YWHAQ: variants seen among roughly 807,000 people sequenced by gnomAD.
YWHAQ encodes the protein tyrosine 3-monooxygenase/tryptophan 5-monooxygenase activation protein theta.
A neutral mutation model predicts 28.3 loss-of-function variants in YWHAQ; 6 were observed. The observed-to-expected ratio is 0.21, with a 90% CI of 0.12 to 0.42. The LOEUF (loss-of-function observed/expected upper bound fraction) is 0.42. YWHAQ is among the 10% of genes least tolerant of loss of function. The pLI is 1.00. For synonymous variants in YWHAQ, 143 were observed against 119.1 expected (o/e 1.20, Z -1.31); for missense variants, 201 against 305.6 (o/e 0.66, Z 2.55).
At chr2:9,603,961 T>G (rs1395581749) in intron 2 of YWHAQ, among the ~76,000 whole-genome samples, 1 of 152,040 alleles carries the variant, frequency 6.6e-6, no homozygotes, top group African/African-American at 2.4e-5. Context: ...ACTTTGTCTT[T>G]AAATGTAAAG....
chr2:9,599,648 T>C (rs1274307118), intron 2 of YWHAQ, among the ~76,000 whole-genome samples: 1 of 152,214 alleles, frequency 6.6e-6, no homozygotes, highest in Non-Finnish European at 1.5e-5. Flanking sequence ...CTGAATATTT[T>C]AAGTCCATTG....
chr2:9,600,803 C>T (rs897493841), intron 2 of YWHAQ, among the ~76,000 whole-genome samples: 5 of 152,318 alleles, frequency 3.3e-5, no homozygotes, highest in South Asian at 4.1e-4. Flanking sequence ...GCAATTGCCA[C>T]GGCCACCCCC....
intron 2 of YWHAQ, among the ~76,000 whole-genome samples, chr2:9,595,125 CT>C (rs1172191103): frequency 6.6e-6 from 1 of 152,170 alleles, no homozygotes; most frequent in Non-Finnish European, 1.5e-5. Context: ...TCAGATGCCA[CT>C]AGCTCTCTGT....
At position 9,623,054 on chromosome 2, in the gene YWHAQ, C is replaced by G. The variant is rs373663578; in HGVS notation, c.294+7105G>C. ...ATAGCCAACCAGATTTCCCAACTGC[C>G]AAAGCAACACCTTGACTGAACTAAT... On this transcript the variant is annotated intron_variant, in intron 2 of 5. Transcript: ENST00000238081. Among the ~76,000 whole-genome samples the G allele has an allele frequency of 2.0e-5, 3 of 152,198 alleles. No homozygotes were observed. The South Asian group carries it at 6.2e-4, about 32-fold the overall frequency.
intron 2 of YWHAQ, among the ~76,000 whole-genome samples, chr2:9,606,086 C>T (rs1209091518): frequency 2.0e-5 from 3 of 152,166 alleles, no homozygotes; most frequent in Non-Finnish European, 4.4e-5. Flanking sequence ...TTAGCTTCCT[C>T]TGAGGAACAC....
At chr2:9,624,751 C>CT (rs368023264) in intron 2 of YWHAQ, among the ~76,000 whole-genome samples, 319 of 146,016 alleles carry the variant, frequency 2.2e-3, no homozygotes, top group Middle Eastern at 0.014. Context: ...CTATTTCACT[C>CT]TTTTTTTTTT....
At chr2:9,604,333 T>C (rs1294638275) in intron 2 of YWHAQ, among the ~76,000 whole-genome samples, 1 of 152,172 alleles carries the variant, frequency 6.6e-6, no homozygotes, top group African/African-American at 2.4e-5. Flanking sequence ...TGAAGGTGAC[T>C]TTCTTTATAA....
intron 2 of YWHAQ, among the ~76,000 whole-genome samples, chr2:9,617,888 T>C (rs1211805396): frequency 6.6e-6 from 1 of 151,746 alleles, no homozygotes; most frequent in Admixed American, 6.6e-5. Flanking sequence ...GACCGTGCCA[T>C]TGTACTCCAG....
chr2:9,599,703 A>G (rs906786917), intron 2 of YWHAQ, among the ~76,000 whole-genome samples: 1 of 152,216 alleles, frequency 6.6e-6, no homozygotes. Context: ...TCAAATTATA[A>G]TTGCTCATTG....
chr2:9,624,709 T>G (rs1667214092), intron 2 of YWHAQ, among the ~76,000 whole-genome samples: 1 of 151,590 alleles, frequency 6.6e-6, no homozygotes, highest in South Asian at 2.1e-4. Flanking sequence ...CCTGGTTGAG[T>G]GACACGAACC....
At chr2:9,628,053 G>A (rs942240331) in intron 2 of YWHAQ, among the ~76,000 whole-genome samples, 2 of 152,120 alleles carry the variant, frequency 1.3e-5, no homozygotes, top group South Asian at 2.1e-4. Flanking sequence ...ATCATCAGAG[G>A]GCAAAATCCA....
chr2:9,599,836 C>A (rs1362831262), intron 2 of YWHAQ, among the ~76,000 whole-genome samples: 1 of 152,196 alleles, frequency 6.6e-6, no homozygotes. Context: ...GTAATTTCAA[C>A]TTTCAAGTGG....
intron 2 of YWHAQ, among the ~76,000 whole-genome samples, chr2:9,607,076 G>A (rs1277651085): frequency 6.6e-6 from 1 of 151,928 alleles, no homozygotes; most frequent in African/African-American, 2.4e-5. Flanking sequence ...TAGAGATGGG[G>A]TTTCACCATG....
At chr2:9,590,061 A>C (rs547403758) in intron 3 of YWHAQ, among the ~76,000 whole-genome samples, 4 of 152,316 alleles carry the variant, frequency 2.6e-5, no homozygotes, top group Middle Eastern at 3.4e-3. Flanking sequence ...ATTAGGAAGC[A>C]CCAGTGTCTC....
intron 2 of YWHAQ, among the ~76,000 whole-genome samples, chr2:9,625,959 A>G (rs1001012101): frequency 6.6e-6 from 1 of 152,086 alleles, no homozygotes; most frequent in Non-Finnish European, 1.5e-5. Context: ...TATGAAGAAA[A>G]ACATATCAGT....
chr2:9,601,770 T>C (rs1301569090), intron 2 of YWHAQ, among the ~76,000 whole-genome samples: 3 of 152,092 alleles, frequency 2.0e-5, no homozygotes, highest in African/African-American at 4.8e-5. Context: ...CTCAGCCTCC[T>C]GTGTAGCTGG....
At chr2:9,614,956 T>C (rs1341703906) in intron 2 of YWHAQ, among the ~76,000 whole-genome samples, 1 of 152,138 alleles carries the variant, frequency 6.6e-6, no homozygotes, top group Non-Finnish European at 1.5e-5. Flanking sequence ...CAACTAAACT[T>C]ATATGAGTTA....
intron 2 of YWHAQ, among the ~76,000 whole-genome samples, chr2:9,597,788 C>T (rs995404219): frequency 2.7e-5 from 4 of 150,096 alleles, no homozygotes; most frequent in African/African-American, 9.8e-5. Flanking sequence ...TAGAAGCAAA[C>T]CTTTTTTTTT....
intron 2 of YWHAQ, among the ~76,000 whole-genome samples, chr2:9,595,682 G>A (rs1174691752): frequency 1.7e-5 from 2 of 121,104 alleles, no homozygotes; most frequent in Non-Finnish European, 3.3e-5. Flanking sequence ...TGGGCAACAA[G>A]AGCAAAATTC....
Sources: allele counts gnomAD v4.1 joint callset (sites outside exome capture counted in the v4.1 genomes callset), GRCh38; gene constraint gnomAD v4.1.1; transcripts MANE v1.5; gene names NCBI Gene and HGNC (gene_info 2026-07-23, HGNC 2026-07-21).